Variants in GABRG3 observed in about 807,000 individuals in gnomAD.
GABRG3 encodes the protein gamma-aminobutyric acid receptor subunit gamma-3.
In GABRG3, 25 loss-of-function variants were observed where a neutral mutation model predicts 48.8. The observed-to-expected ratio is 0.51, with a 90% confidence interval of 0.37 to 0.72. GABRG3 has a LOEUF of 0.72. Among genes scored for constraint, GABRG3 ranks in the 30% least tolerant of loss-of-function variants. The pLI is 0.00. For missense variants in GABRG3, 394 were observed against 577.9 expected, an observed-to-expected ratio of 0.68 and a Z score of 3.26; for synonymous variants, 227 against 217.6, an observed-to-expected ratio of 1.04 and a Z score of -0.38.
chr15:27,012,870 A>C (rs1895715215), intron 2 of GABRG3, among the ~76,000 whole-genome samples: 1 of 152,192 alleles, frequency 6.6e-6, no homozygotes, highest in African/African-American at 2.4e-5. Flanking sequence ...TCATCCACTA[A>C]TTATTTGTAG....
intron 3 of GABRG3, among the ~76,000 whole-genome samples, chr15:27,299,491 A>G (rs1306767285): frequency 1.3e-5 from 2 of 152,166 alleles, no homozygotes; most frequent in Admixed American, 1.3e-4. Context: ...TTGAAATCTG[A>G]AAGTTGGCAC....
At chr15:27,388,077 G>A (rs1255406644) in intron 5 of GABRG3, among the ~76,000 whole-genome samples, 1 of 105,414 alleles carries the variant, frequency 9.5e-6, no homozygotes. Flanking sequence ...AAGGAAGGAA[G>A]GAAGGAAAGG....
intron 3 of GABRG3, among the ~76,000 whole-genome samples, chr15:27,289,313 C>G (rs1891721432): frequency 6.6e-6 from 1 of 151,662 alleles, no homozygotes; most frequent in African/African-American, 2.4e-5. Flanking sequence ...ATGTTTAAAT[C>G]TAACAAGTCC....
intron 3 of GABRG3, among the ~76,000 whole-genome samples, chr15:27,307,363 C>CCATAGGTTTATATATTTATATATAAA (rs1566770977): frequency 3.9e-5 from 1 of 25,842 alleles, no homozygotes; most frequent in Non-Finnish European, 9.7e-5. Context: ...TTATATATAA[C>CCATAGGTTTATATATTTATATATAAA]CATATAGGTT....
chr15:27,530,101 A>G (rs1891385948), intron 9 of GABRG3, among the ~76,000 whole-genome samples: 1 of 152,008 alleles, frequency 6.6e-6, no homozygotes, highest in African/African-American at 2.4e-5. Flanking sequence ...TACCAATAGA[A>G]AGAAGCAGAA....
chr15:27,371,281 A>ATT (rs112439652), intron 5 of GABRG3, among the ~76,000 whole-genome samples: 2 of 151,210 alleles, frequency 1.3e-5, no homozygotes, highest in Non-Finnish European at 3.0e-5. Context: ...GACAGTGAAC[A>ATT]TTTTTTTTTC....
intron 3 of GABRG3, among the ~76,000 whole-genome samples, chr15:27,251,276 G>T (rs892913152): frequency 5.3e-5 from 8 of 152,172 alleles, no homozygotes; most frequent in African/African-American, 1.9e-4. Flanking sequence ...TTCAGCTTCT[G>T]CTTCCAGATC....
intron 2 of GABRG3, among the ~76,000 whole-genome samples, chr15:27,010,135 G>A (rs1394635001): frequency 3.3e-5 from 5 of 152,112 alleles, no homozygotes; most frequent in Admixed American, 6.6e-5. Context: ...TGTAGAGCCG[G>A]TGTTGCATAC....
At chr15:27,224,270 C>T (rs897807101) in intron 3 of GABRG3, among the ~76,000 whole-genome samples, 4 of 152,220 alleles carry the variant, frequency 2.6e-5, no homozygotes, top group African/African-American at 9.6e-5. Flanking sequence ...ATCATGTTTT[C>T]ACCAAGCTGC....
chr15:27,283,095 C>T (rs1444464189), intron 3 of GABRG3, among the ~76,000 whole-genome samples: 7 of 152,160 alleles, frequency 4.6e-5, no homozygotes, highest in East Asian at 1.9e-4. Flanking sequence ...ATTCAGGCTG[C>T]GCATTCACCC....
rs913145637 is a variant in GABRG3, at chr15:27,319,092, G to A, written c.271-7717G>A. ...TAAAAAAATAAAAGGCAACTGTGAGGTGATGGATGTGTTAATTAGCTTGAT... is the reference window on the plus strand; with the variant it reads ...TAAAAAAATAAAAGGCAACTGTGAGATGATGGATGTGTTAATTAGCTTGAT... On this transcript the variant is annotated intron_variant, in intron 3 of 9. Coordinates refer to ENST00000615808, the MANE Select transcript of GABRG3 (RefSeq NM_033223.5). This position sits in a 1 kb window ranked among gnomAD's most constrained non-coding sequence, Gnocchi z 4.4. Among the ~76,000 whole-genome samples, 2 of 152,204 alleles carry A rather than the reference G, an allele frequency of 1.3e-5. No individual in the cohort carries two copies. Among genetic ancestry groups the A allele is most frequent in the African/African-American group, 4.8e-5 (2 of 41,442 alleles).
chr15:27,173,523 A>G (rs891127042), intron 3 of GABRG3, among the ~76,000 whole-genome samples: 1 of 152,112 alleles, frequency 6.6e-6, no homozygotes, highest in Non-Finnish European at 1.5e-5. Context: ...AATTATAAAT[A>G]TGTATATTTG....
intron 3 of GABRG3, among the ~76,000 whole-genome samples, chr15:27,168,960 G>A (rs1887473126): frequency 6.6e-6 from 1 of 152,244 alleles, no homozygotes. Context: ...GACCTAATGT[G>A]TTTGGCAGTC....
chr15:27,402,012 T>C (rs1454862460), intron 5 of GABRG3, among the ~76,000 whole-genome samples: 2 of 152,204 alleles, frequency 1.3e-5, no homozygotes, highest in African/African-American at 4.8e-5. Flanking sequence ...ACATAGCTGG[T>C]AACCCCATTA....
intron 2 of GABRG3, among the ~76,000 whole-genome samples, chr15:27,001,021 A>G (rs1261227150): frequency 6.6e-6 from 1 of 152,148 alleles, no homozygotes. Context: ...TCTCACACAC[A>G]TGCACTGGTT....
At chr15:27,295,930 A>G (rs570525736) in intron 3 of GABRG3, among the ~76,000 whole-genome samples, 35 of 152,256 alleles carry the variant, frequency 2.3e-4, no homozygotes, top group African/African-American at 3.4e-4. Flanking sequence ...TGAGCTGGCA[A>G]TGGGGGAAAT....
At chr15:27,015,240 T>C (rs1465148821) in intron 2 of GABRG3, among the ~76,000 whole-genome samples, 1 of 152,130 alleles carries the variant, frequency 6.6e-6, no homozygotes, top group Non-Finnish European at 1.5e-5. Flanking sequence ...ATATTTTAAT[T>C]AGGGTTGTAA....
At chr15:27,271,431 T>C (rs1891084043) in intron 3 of GABRG3, 7 of 394,576 alleles carry the variant, frequency 1.8e-5, no homozygotes, top group South Asian at 7.3e-5. Flanking sequence ...GTATGCCAGG[T>C]GCTGCAGATG....
intron 5 of GABRG3, among the ~76,000 whole-genome samples, chr15:27,398,666 G>GCGCACA (rs56278943): frequency 0.042 from 6,203 of 147,240 alleles, 237 homozygotes; most frequent in South Asian, 0.19. Flanking sequence ...ACAAGCGCGC[G>GCGCACA]CACACACACA....
Sources: allele counts gnomAD v4.1 joint callset (sites outside exome capture counted in the v4.1 genomes callset), GRCh38; gene constraint gnomAD v4.1.1; non-coding constraint Gnocchi (gnomAD v3.1); transcripts MANE v1.5; gene names NCBI Gene and HGNC (gene_info 2026-07-23, HGNC 2026-07-21).